HJV: variants seen among roughly 807,000 people sequenced by gnomAD.
HJV encodes hemojuvelin.
Under a neutral mutation model 22.7 loss-of-function variants are expected in HJV, and 18 were observed. The ratio of observed to expected loss-of-function variants is 0.79; its 90% CI spans 0.55 to 1.18. The LOEUF is 1.18. Ranked by LOEUF, HJV falls within the 50% of genes most tolerant of loss-of-function variation. The probability of loss-of-function intolerance (pLI) is 0.00; values close to 1 mark genes in which losing one functional copy is unlikely to be tolerated. For missense variants in HJV, 572 were observed against 553.0 expected (o/e 1.03, Z -0.34); for synonymous variants, 229 against 222.7 (o/e 1.03, Z -0.25).
rs2101985012 is a variant in HJV at position 146,019,510 on chromosome 1, G to A, written c.322C>T (p.His108Tyr). Residue 108 changes from histidine (H) to tyrosine (Y), a missense_variant, in exon 3 of 4, where the codon CAT becomes TAT. By Grantham distance (83) the His-to-Tyr change is moderately conservative. Transcript: ENST00000336751. The part of the protein sequence containing the change: ...RGDLAFHSAV[H>Y]GIEDLMIQHN... The stretch of plus-strand genomic sequence containing the variant: ...TGGATCATCAGGTCTTCGATGCCAT[G>A]TACCGCCGAATGGAAGGCGAGGTCC... The A allele has an allele frequency of 6.2e-7, 1 of 1,613,012 alleles. No individual in the cohort carries two copies. The highest frequency in any genetic ancestry group is 8.5e-7 in the Non-Finnish European group (1 of 1,179,936).
chr1:146,020,264 C>T lies in HJV; in HGVS notation c.-33G>A. 1 of 1,412,676 alleles carries T rather than the reference C, an allele frequency of 7.1e-7. No homozygotes were observed. The highest frequency in any genetic ancestry group is 1.0e-6 in the Non-Finnish European group (1 of 996,384). 87.5% of individuals were successfully genotyped at this position (1,412,676 alleles called of 1,614,324 possible). On this transcript the variant is annotated 5_prime_UTR_variant, in exon 2 of 4. Transcript: ENST00000336751. The stretch of plus-strand genomic sequence containing the variant: ...CAGCCAGGTTTCCCAGGCGCCGGTT[C>T]TTCCCAGCTGATGACCCTCCTACCT...
At position 146,019,222 on chromosome 1, in the gene HJV, T is replaced by C; in HGVS notation, c.610A>G (p.Thr204Ala). ...GCCCCCAACGCCATGGGGGAGCTGG[T>C]GGCTTGGACAAAGAGGAAGTCATTA... The part of the protein sequence containing the change: ...LDNDFLFVQA[T>A]SSPMALGANA... The change falls in exon 3 of 4, where the codon ACC becomes GCC. Residue 204 changes from threonine (T) to alanine (A), a missense_variant. Thr to Ala is a moderately conservative substitution (Grantham distance 58, BLOSUM62 0). Transcript: ENST00000336751. The C allele has an allele frequency of 6.2e-7, 1 of 1,614,108 alleles. No individual in the cohort carries two copies. Among genetic ancestry groups the C allele is most frequent in the Non-Finnish European group, 8.5e-7 (1 of 1,180,028 alleles).
At chr1:146,019,863 T>G in intron 2 of HJV, 129 bp from the exon 3 acceptor site, 7 of 1,419,452 alleles carry the variant, frequency 4.9e-6, no homozygotes, top group East Asian at 2.3e-5. Flanking sequence ...CTAAGGGCCT[T>G]CCCCAGCCCC....
chr1:146,021,465 C>T (rs1652736162), intron 1 of HJV, 122 bp downstream of exon 1: 2 of 152,626 alleles, frequency 1.3e-5, no homozygotes. Flanking sequence ...ATTGGGGCAC[C>T]TTGGTAGGGA....
chr1:146,018,469 A>G lies in HJV; in HGVS notation c.889T>C (p.Ser297Pro). The G allele has an allele frequency of 6.2e-7, 1 of 1,614,168 alleles. No homozygotes were observed. The highest frequency in any genetic ancestry group is 1.1e-5 in the South Asian group (1 of 91,086). The change falls in exon 4 of 4, where the codon TCC becomes CCC. Residue 297 changes from serine (S) to proline (P), a missense_variant. By Grantham distance (74) the Ser-to-Pro change is moderately conservative. Transcript: ENST00000336751. ...IRQTAGQLSFSIKVAEDVAMA... is the reference protein window; with the variant it reads ...IRQTAGQLSFPIKVAEDVAMA... ...GCCACATCCTCTGCTACCTTGATGG[A>G]GAAGGAGAGCTGCCCAGCTGTCTGC...
Position 146,020,167 on chromosome 1 carries a change from G to A in HJV, c.65C>T (p.Thr22Ile), listed in dbSNP as rs1553769887. The A allele has an allele frequency of 1.9e-6, 3 of 1,612,652 alleles. No individual in the cohort carries two copies. Among genetic ancestry groups the A allele is most frequent in the African/African-American group, 2.7e-5 (2 of 74,840 alleles). Residue 22 changes from threonine (T) to isoleucine (I), a missense_variant, in exon 2 of 4, where the codon ACT (threonine) becomes ATT (isoleucine). Transcript: ENST00000336751. ...ACAGAGGAGCAGCAGGAGAGTGAGA[G>A]TGCTTAGAGTTGGGGGACTGCCATG... is the stretch of plus-strand genomic sequence containing the variant. ...SSHGSPPTLS[T>I]LTLLLLLCGH...
rs1559280961 is a variant in HJV at position 146,020,225 on chromosome 1, C to T, written c.7G>A (p.Glu3Lys). The T allele has an allele frequency of 1.2e-6, 2 of 1,607,756 alleles. No individual in the cohort carries two copies. The highest frequency in any genetic ancestry group is 3.3e-5 in the Admixed American group (2 of 60,010). Residue 3 changes from glutamate (E) to lysine (K), a missense_variant, in exon 2 of 4, where the codon GAG (glutamate) becomes AAG (lysine). Physicochemically the swap from Glu to Lys is moderately conservative, Grantham distance 56 (BLOSUM62 1). Coordinates refer to ENST00000336751, the MANE Select transcript of HJV (RefSeq NM_213653.4). The stretch of plus-strand genomic sequence containing the variant: ...CTGGGACTAGGGGACTGGCCTGGCT[C>T]CCCCATACCTATCCAGCCAGGTTTC... MGEPGQSPSPRSS... is the reference protein window; with the variant it reads MGKPGQSPSPRSS...
rs1652450579 is a variant in HJV at position 146,018,196 on chromosome 1, G to A, written c.1162C>T (p.Leu388=). The change falls in exon 4 of 4, where the codon CTG becomes TTG. Residue 388 remains leucine, a synonymous_variant. Transcript: ENST00000336751. Reference sequence around the variant, plus strand: ...AGATGCAGCTTCTCTAAGTCTGGCAGGAAGGCTCGGGCATCCTCCAGTGCT... The same window carrying A: ...AGATGCAGCTTCTCTAAGTCTGGCAAGAAGGCTCGGGCATCCTCCAGTGCT... The part of the protein sequence containing the change: ...QAALEDARAF[L]PDLEKLHLFP... The A allele has an allele frequency of 1.9e-6, 3 of 1,614,170 alleles. No homozygotes were observed. The highest frequency in any genetic ancestry group is 2.5e-6 in the Non-Finnish European group (3 of 1,180,014).
In HJV at chr1:146,018,364, G is replaced by T; in HGVS notation, c.994C>A (p.Arg332Ser). The T allele has an allele frequency of 6.2e-7, 1 of 1,614,172 alleles. No individual in the cohort carries two copies. The highest frequency in any genetic ancestry group is 8.5e-7 in the Non-Finnish European group (1 of 1,180,028). ...ATGGTTATAGCTCCCCGACGATTGC[G>T]CTCTGATCGAGAGAGTCGCTGACTT... ...PPSQRLSRSE[R>S]NRRGAITIDT... is the part of the protein sequence containing the mutation. Residue 332 changes from arginine (R) to serine (S), a missense_variant, in exon 4 of 4, where the codon CGC becomes AGC. Coordinates refer to ENST00000336751, the MANE Select transcript of HJV (RefSeq NM_213653.4).
rs1571046010 is a variant in HJV, at chr1:146,019,560, C to G, written c.272G>C (p.Arg91Pro). 1.2e-6 allele frequency: 2 copies of G among 1,613,096 alleles called. No individual in the cohort carries two copies. The highest frequency in any genetic ancestry group is 1.6e-4 in the Middle Eastern group (1 of 6,062). ...CCCGCGGCAGGTGCGGGCGGTGCGC[C>G]GAGTGCAGAGCGCATAGGAGCGGAG... is the stretch of plus-strand genomic sequence containing the variant. ...RALRSYALCT[R>P]RTARTCRGDL... Residue 91 changes from arginine (R) to proline (P), a missense_variant, in exon 3 of 4, where the codon CGG becomes CCG. By Grantham distance (103) the Arg-to-Pro change is moderately radical. Coordinates refer to ENST00000336751, the MANE Select transcript of HJV (RefSeq NM_213653.4).
In HJV at chr1:146,019,734, G is replaced by A. The variant is rs782128125; in HGVS notation, c.98C>T (p.Ala33Val). The part of the protein sequence containing the change: ...LTLLLLLCGH[A>V]HSQCKILRCN... ...GCGGAGGATCTTGCATTGAGAATGA[G>A]CTAAAGACAGAAGGGAGAGGATTGT... The change falls in exon 3 of 4, where the codon GCT becomes GTT. Residue 33 changes from alanine to valine, a missense_variant and splice_region_variant. Physicochemically the swap from Ala to Val is moderately conservative, Grantham distance 64. Transcript: ENST00000336751. 1 of 1,614,080 alleles carries A rather than the reference G, an allele frequency of 6.2e-7. No homozygotes were observed. The highest frequency in any genetic ancestry group is 1.1e-5 in the South Asian group (1 of 91,078).
intron 3 of HJV, 68 bp downstream of exon 3, chr1:146,019,107 G>T: frequency 7.9e-7 from 1 of 1,268,478 alleles, no homozygotes; most frequent in Non-Finnish European, 1.2e-6. Flanking sequence ...GAATAGTGGG[G>T]ATGGGGAGGA....
rs1160442023 is a variant in HJV at position 146,019,718 on chromosome 1, C to G, written c.114G>C (p.Lys38Asn). ...LLCGHAHSQC[K>N]ILRCNAEYVS... ...CGTACTCAGCATTGCAGCGGAGGAT[C>G]TTGCATTGAGAATGAGCTAAAGACA... is the stretch of plus-strand genomic sequence containing the variant. Residue 38 changes from lysine to asparagine, a missense_variant, in exon 3 of 4, where the codon AAG becomes AAC. Coordinates refer to ENST00000336751, the MANE Select transcript of HJV (RefSeq NM_213653.4). 6 of 1,613,936 alleles carry G rather than the reference C, an allele frequency of 3.7e-6. No homozygotes were observed. The African/African-American group carries it at 4.0e-5, about 11-fold the overall frequency.
chr1:146,018,399 C>T lies in HJV; in HGVS notation c.959G>A (p.Gly320Glu). 1 of 1,614,122 alleles carries T rather than the reference C, an allele frequency of 6.2e-7. No individual in the cohort carries two copies. The highest frequency in any genetic ancestry group is 8.5e-7 in the Non-Finnish European group (1 of 1,180,032). The change falls in exon 4 of 4, where the codon GGG becomes GAG. Residue 320 changes from glycine (G) to glutamate (E), a missense_variant. By Grantham distance (98) the Gly-to-Glu change is moderately conservative. Transcript: ENST00000336751. ...AGAGAGTCGCTGACTTGGAGGGCAC[C>T]CCCCAACACAGAGCTGCAGGTCCTG... ...AEQDLQLCVG[G>E]CPPSQRLSRS... is the part of the protein sequence containing the mutation.
At chr1:146,020,745 C>T (rs1327249697) in intron 1 of HJV, among the ~76,000 whole-genome samples, 4 of 152,156 alleles carry the variant, frequency 2.6e-5, no homozygotes, top group Admixed American at 1.3e-4. Flanking sequence ...GAGATGCCCT[C>T]TAGGAGTCAT....
chr1:146,021,270 A>G (rs919660003), intron 1 of HJV, among the ~76,000 whole-genome samples: 2 of 152,192 alleles, frequency 1.3e-5, no homozygotes, highest in Non-Finnish European at 2.9e-5. Context: ...CTGAGGTCAT[A>G]TTTGGCCTTG....
At position 146,019,265 on chromosome 1, in the gene HJV, T is replaced by C. The variant is rs782438922; in HGVS notation, c.567A>G (p.Gly189=). 6.2e-7 allele frequency: 1 copy of C among 1,613,974 alleles called. No homozygotes were observed. Among genetic ancestry groups the C allele is most frequent in the African/African-American group, 1.3e-5 (1 of 75,040 alleles). The change falls in exon 3 of 4, where the codon GGA becomes GGG. Residue 189 remains glycine, a synonymous_variant. Coordinates refer to ENST00000336751, the MANE Select transcript of HJV (RefSeq NM_213653.4). The part of the protein sequence containing the change: ...HHHFHTCRVQ[G]AWPLLDNDFL... ...AGTCATTATCCAGTAGAGGCCAAGCTCCTTGGACACGGCATGTGTGAAAGT... is the reference window on the plus strand; with the variant it reads ...AGTCATTATCCAGTAGAGGCCAAGCCCCTTGGACACGGCATGTGTGAAAGT...
chr1:146,020,854 T>G (rs1429166177), intron 1 of HJV, among the ~76,000 whole-genome samples: 3 of 152,148 alleles, frequency 2.0e-5, no homozygotes, highest in African/African-American at 7.2e-5. Context: ...AGGAAACCAA[T>G]CTCTTTTCAT....
Position 146,019,331 on chromosome 1 carries a change from G to T in HJV, c.501C>A (p.Cys167Ter). The change falls in exon 3 of 4, where the codon TGC (cysteine) becomes TGA (stop). Residue 167 changes from cysteine to a stop codon, truncating the protein, a stop_gained. Transcript: ENST00000336751. LOFTEE classifies it high-confidence loss of function. The stretch of plus-strand genomic sequence containing the variant: ...GCACATGGGGGTCCCCGAAGGAAGC[G>T]CAATGCAAGAACCCCGGGGGACGAC... ...LHGRPPGFLH[C>*]ASFGDPHVRS... is the part of the protein sequence containing the mutation. 1 of 1,613,852 alleles carries T rather than the reference G, an allele frequency of 6.2e-7. No homozygotes were observed. Among genetic ancestry groups the T allele is most frequent in the Non-Finnish European group, 8.5e-7 (1 of 1,180,046 alleles).
Sources: allele counts gnomAD v4.1 joint callset (sites outside exome capture counted in the v4.1 genomes callset), GRCh38; gene constraint gnomAD v4.1.1; transcripts MANE v1.5; gene names NCBI Gene and HGNC (gene_info 2026-07-23, HGNC 2026-07-21).